Variants in ZNF532 observed in about 807,000 individuals in gnomAD.
ZNF532 encodes the protein zinc finger protein 532.
Under a neutral mutation model 89.3 loss-of-function variants are expected in ZNF532, and 22 were observed. The observed-to-expected ratio is 0.25, with a 90% CI of 0.18 to 0.35. ZNF532 has a LOEUF of 0.35. Ranked by LOEUF, ZNF532 falls within the 10% of genes least tolerant of loss-of-function variation. The pLI, the probability that ZNF532 is intolerant of heterozygous loss-of-function variation, is 1.00. For synonymous variants in ZNF532, 606 were observed against 649.6 expected, an observed-to-expected ratio of 0.93 and a Z score of 1.02; for missense variants, 1,132 against 1,643.4, an observed-to-expected ratio of 0.69 and a Z score of 5.38.
intron 7 of ZNF532, among the ~76,000 whole-genome samples, chr18:58,965,523 TTAGCAGA>T: frequency 1.3e-5 from 2 of 152,388 alleles, no homozygotes; most frequent in Admixed American, 1.3e-4. Flanking sequence ...TGTGGGACAG[TTAGCAGA>T]TATGTCTTTC....
chr18:58,864,525 G>A (rs2056268231), upstream of ZNF532: 1 of 151,464 alleles, frequency 6.6e-6, no homozygotes, highest in African/African-American at 2.4e-5. Context: ...GCCAGGTTGT[G>A]GGAGGTAAGT....
intron 2 of ZNF532, among the ~76,000 whole-genome samples, chr18:58,903,554 T>C (rs2059734553): frequency 1.3e-5 from 2 of 152,080 alleles, no homozygotes; most frequent in South Asian, 4.2e-4. Flanking sequence ...CGACAGCGAT[T>C]ATAAAGAGAA....
In ZNF532 at chr18:58,942,074, G is replaced by C. The variant is rs535635020; in HGVS notation, c.2705+2453G>C. 2.6e-4 allele frequency among the ~76,000 whole-genome samples: 38 copies of C among 143,982 alleles called. 1 individual carries two copies. Among genetic ancestry groups the C allele is most frequent in the East Asian group, 1.0e-3 (5 of 4,764 alleles). The allele number at this position is 143,982 out of a possible 152,430, so 94.5% of individuals were successfully genotyped here. A position where few individuals can be genotyped will look rare whatever the true frequency, so the allele number is the denominator to read the frequency against. ...GTCTCGCTGTGTCGCCCAGGCTGGA[G>C]TGCAGTGGCACGATCTCAGCTCACT... On this transcript the variant is annotated intron_variant, in intron 5 of 9. Coordinates refer to ENST00000591808, the MANE Select transcript of ZNF532 (RefSeq NM_001375912.1).
chr18:58,899,389 T>G (rs2059454247), intron 2 of ZNF532, among the ~76,000 whole-genome samples: 2 of 152,240 alleles, frequency 1.3e-5, no homozygotes, highest in Non-Finnish European at 2.9e-5. Flanking sequence ...TGTCTCCTTT[T>G]GTCTTGGGAG....
At chr18:58,873,824 C>T (rs1477364556) in intron 2 of ZNF532, among the ~76,000 whole-genome samples, 2 of 152,118 alleles carry the variant, frequency 1.3e-5, no homozygotes, top group African/African-American at 2.4e-5. Context: ...ATAAAGGCCA[C>T]GGAGATTTTC....
chr18:58,910,569 C>T (rs1025038254), intron 2 of ZNF532, among the ~76,000 whole-genome samples: 12 of 151,896 alleles, frequency 7.9e-5, no homozygotes, highest in Non-Finnish European at 1.2e-4. Flanking sequence ...CAGGTTCAAA[C>T]GATTTTGCCG....
intron 2 of ZNF532, among the ~76,000 whole-genome samples, chr18:58,906,137 C>A (rs2059923447): frequency 6.6e-6 from 1 of 152,158 alleles, no homozygotes; most frequent in Admixed American, 6.6e-5. Context: ...GGTAAAGTTG[C>A]TTTTTTCTCC....
intron 7 of ZNF532, among the ~76,000 whole-genome samples, chr18:58,970,050 ATTTT>A (rs950421169): frequency 6.6e-6 from 1 of 151,612 alleles, no homozygotes; most frequent in Non-Finnish European, 1.5e-5. Context: ...CTCCCGGCTA[ATTTT>A]TTTGTGTTTT....
chr18:58,881,107 CTTT>C (rs796877706), intron 2 of ZNF532, among the ~76,000 whole-genome samples: 1 of 144,298 alleles, frequency 6.9e-6, no homozygotes. Context: ...TTCTTTTTTT[CTTT>C]TTTTTTTTTG....
chr18:58,983,599 ACC>A (rs112612807), intron 9 of ZNF532, among the ~76,000 whole-genome samples: 6 of 149,982 alleles, frequency 4.0e-5, no homozygotes, highest in Admixed American at 1.3e-4. Context: ...CCACACATAT[ACC>A]CCCCCCTTGC....
At chr18:58,906,753 A>T (rs531853214) in intron 2 of ZNF532, among the ~76,000 whole-genome samples, 4 of 152,202 alleles carry the variant, frequency 2.6e-5, no homozygotes, top group Admixed American at 1.3e-4. Flanking sequence ...CTAATACAAA[A>T]TTATTATTAC....
chr18:58,976,382 C>T (rs151044943), intron 7 of ZNF532, among the ~76,000 whole-genome samples: 152 of 151,136 alleles, frequency 1.0e-3, no homozygotes, highest in Non-Finnish European at 1.6e-3. Context: ...AATATTACTA[C>T]ACAAGAAGAA....
chr18:58,919,812 G>C lies in ZNF532; in HGVS notation c.1525G>C (p.Ala509Pro). The C allele has an allele frequency of 1.2e-6, 2 of 1,613,958 alleles. No homozygotes were observed. The highest frequency in any genetic ancestry group is 1.7e-6 in the Non-Finnish European group (2 of 1,179,876). Reference protein sequence around the residue: ...AIQQQTVVVPASSLANAKLVP... With the variant: ...AIQQQTVVVPPSSLANAKLVP... Reference sequence around the variant, plus strand: ...CCAGCAGCAAACTGTCGTGGTGCCGGCATCCAGCCTGGCCAATGCCAAACT... The same window carrying C: ...CCAGCAGCAAACTGTCGTGGTGCCGCCATCCAGCCTGGCCAATGCCAAACT... Residue 509 changes from alanine (A) to proline (P), a missense_variant, in exon 3 of 10, where the codon GCA becomes CCA. Ala to Pro is a conservative substitution (Grantham distance 27). Transcript: ENST00000591808. This position sits in a 1 kb window ranked among gnomAD's most constrained non-coding sequence, Gnocchi z 6.1.
chr18:58,871,941 G>T (rs1034667350), intron 2 of ZNF532, among the ~76,000 whole-genome samples: 1 of 152,236 alleles, frequency 6.6e-6, no homozygotes, highest in Non-Finnish European at 1.5e-5. Flanking sequence ...AAAGCAAATT[G>T]AAAGTGGTGC....
chr18:58,972,715 C>T (rs1269959947), intron 7 of ZNF532, among the ~76,000 whole-genome samples: 2 of 152,300 alleles, frequency 1.3e-5, no homozygotes, highest in East Asian at 3.9e-4. Flanking sequence ...TATCCTCAGT[C>T]TCTTCATTTA....
intron 4 of ZNF532, among the ~76,000 whole-genome samples, chr18:58,936,146 C>T (rs561851449): frequency 1.3e-5 from 2 of 152,288 alleles, no homozygotes; most frequent in Non-Finnish European, 2.9e-5. Flanking sequence ...TGGTAATTCA[C>T]GTATTCTTTC....
intron 2 of ZNF532, among the ~76,000 whole-genome samples, chr18:58,897,244 T>C (rs1436259581): frequency 2.0e-5 from 3 of 152,236 alleles, no homozygotes; most frequent in Non-Finnish European, 4.4e-5. Flanking sequence ...GTAAGTTTTG[T>C]AGCTTTTTGG....
intron 8 of ZNF532, chr18:58,979,913 C>T (rs1204017946): frequency 6.6e-6 from 1 of 152,286 alleles, no homozygotes; most frequent in Non-Finnish European, 1.5e-5. Context: ...ACCCAGACTC[C>T]AGTGGACAGT....
At chr18:58,966,757 T>C (rs1274885635) in intron 7 of ZNF532, among the ~76,000 whole-genome samples, 3 of 149,384 alleles carry the variant, frequency 2.0e-5, no homozygotes, top group Non-Finnish European at 3.0e-5. Context: ...TTTTTTTTTT[T>C]TTTCTTTCAG....
Sources: allele counts gnomAD v4.1 joint callset (sites outside exome capture counted in the v4.1 genomes callset), GRCh38; gene constraint gnomAD v4.1.1; non-coding constraint Gnocchi (gnomAD v3.1); transcripts MANE v1.5; gene names NCBI Gene and HGNC (gene_info 2026-07-23, HGNC 2026-07-21).